GPRASP3: variants seen among roughly 807,000 people sequenced by gnomAD.
GPRASP3 encodes G protein-coupled receptor associated sorting protein 3.
chrX:102,749,009 A>T, the GPRASP3 span: 5 of 1,205,646 alleles, frequency 4.1e-6, no homozygotes, highest in Non-Finnish European at 5.6e-6. Flanking sequence ...GCTGGGACTA[A>T]GAATAAGACA....
chrX:102,739,792 G>A, the GPRASP3 span, among the ~76,000 whole-genome samples: 1 of 112,016 alleles, frequency 8.9e-6, no homozygotes, highest in Non-Finnish European at 1.9e-5. Flanking sequence ...GCAGACAGGG[G>A]AAAGATGGAA....
At chrX:102,749,895 G>T in the GPRASP3 span, 1 of 1,208,014 alleles carries the variant, frequency 8.3e-7, no homozygotes, top group Non-Finnish European at 1.1e-6. Context: ...GTCAAATCAG[G>T]ATCAGGGAGG....
At chrX:102,720,810 C>G in the GPRASP3 span, 1 of 112,038 alleles carries the variant, frequency 8.9e-6, no homozygotes, top group Non-Finnish European at 1.9e-5. Context: ...GGAGGAACGG[C>G]GGGATGTTAA....
At chrX:102,725,051 A>G in the GPRASP3 span, among the ~76,000 whole-genome samples, 1 of 111,174 alleles carries the variant, frequency 9.0e-6, no homozygotes, top group South Asian at 3.8e-4. Context: ...CAAAAGAGCA[A>G]CCTTCAATGG....
chrX:102,732,753 G>A, the GPRASP3 span, among the ~76,000 whole-genome samples: 2 of 111,506 alleles, frequency 1.8e-5, no homozygotes, highest in African/African-American at 6.5e-5. Flanking sequence ...TTTCACATAG[G>A]CTTTTAAAAT....
At chrX:102,723,665 A>G in the GPRASP3 span, among the ~76,000 whole-genome samples, 1 of 111,478 alleles carries the variant, frequency 9.0e-6, no homozygotes, top group African/African-American at 3.3e-5. Context: ...CCTGTGTGAC[A>G]GGAGTATCTT....
the GPRASP3 span, chrX:102,750,280 C>T: frequency 1.2e-5 from 15 of 1,204,965 alleles, no homozygotes; most frequent in Middle Eastern, 2.3e-4. Context: ...ATTAAAGATA[C>T]TAGGACAACT....
At chrX:102,726,850 C>G in the GPRASP3 span, among the ~76,000 whole-genome samples, 3 of 112,580 alleles carry the variant, frequency 2.7e-5, no homozygotes, top group Non-Finnish European at 5.6e-5. Context: ...CTCTGGACCT[C>G]CTAGATAAGT....
chrX:102,750,111 C>T, the GPRASP3 span: 1 of 1,211,021 alleles, frequency 8.3e-7, no homozygotes, highest in Non-Finnish European at 1.1e-6. Context: ...TTATTGAAAG[C>T]TTGCTCAGTT....
the GPRASP3 span, chrX:102,749,016 G>A: frequency 8.3e-7 from 1 of 1,208,646 alleles, no homozygotes; most frequent in Non-Finnish European, 1.1e-6. Context: ...CTAAGAATAA[G>A]ACAAGAGCCC....
At chrX:102,744,554 G>A in the GPRASP3 span, among the ~76,000 whole-genome samples, 2 of 111,930 alleles carry the variant, frequency 1.8e-5, no homozygotes, top group African/African-American at 6.5e-5. Flanking sequence ...ATATTGGTGT[G>A]TCTGATTGAG....
chrX:102,727,206 C>T, the GPRASP3 span, among the ~76,000 whole-genome samples: 2 of 112,594 alleles, frequency 1.8e-5, no homozygotes, highest in Non-Finnish European at 3.7e-5. Flanking sequence ...TTTAATTCAG[C>T]GAAGGACTCA....
chrX:102,735,650 C>T, the GPRASP3 span, among the ~76,000 whole-genome samples: 4 of 111,639 alleles, frequency 3.6e-5, no homozygotes, highest in African/African-American at 1.3e-4. Flanking sequence ...CCTTGTGATC[C>T]GCCTGCCTCG....
the GPRASP3 span, among the ~76,000 whole-genome samples, chrX:102,742,257 C>G: frequency 5.4e-5 from 6 of 110,248 alleles, no homozygotes; most frequent in Non-Finnish European, 1.1e-4. Context: ...CCAAACTAAC[C>G]TTGGGAAGGA....
chrX:102,752,930 C>T, the GPRASP3 span: 1 of 121,173 alleles, frequency 8.3e-6, no homozygotes, highest in Non-Finnish European at 1.9e-5. Context: ...CCACCACATC[C>T]GACTAATTTT....
At chrX:102,735,708 G>A in the GPRASP3 span, among the ~76,000 whole-genome samples, 1 of 112,123 alleles carries the variant, frequency 8.9e-6, no homozygotes, top group East Asian at 2.8e-4. Flanking sequence ...GCGCCCGGCT[G>A]AATCTCTTTT....
At chrX:102,743,093 C>G in the GPRASP3 span, among the ~76,000 whole-genome samples, 3 of 111,388 alleles carry the variant, frequency 2.7e-5, no homozygotes, top group Non-Finnish European at 3.8e-5. Context: ...ATGCATTTAT[C>G]TCAGTGAGCA....
At chrX:102,745,556 CT>C in the GPRASP3 span, among the ~76,000 whole-genome samples, 21 of 111,071 alleles carry the variant, frequency 1.9e-4, no homozygotes, top group Admixed American at 1.9e-3. Flanking sequence ...CCAGACTGCA[CT>C]GCTGACACCC....
At chrX:102,721,716 T>TTGGGCCTC in the GPRASP3 span, among the ~76,000 whole-genome samples, 4 of 111,467 alleles carry the variant, frequency 3.6e-5, 1 homozygote, top group South Asian at 1.5e-3. Flanking sequence ...CCCTGCTGTC[T>TTGGGCCTC]TGGGCCTCAG....
Sources: gnomAD v4.1 joint callset for allele counts (sites outside exome capture counted in the v4.1 genomes callset) on GRCh38, gnomAD v4.1.1 for gene constraint, MANE v1.5 for transcripts, NCBI Gene and HGNC (gene_info 2026-07-23, HGNC 2026-07-21) for gene names.